Variants in FHIT observed in about 807,000 individuals in gnomAD.
The protein encoded by FHIT is bis(5'-adenosyl)-triphosphatase.
A neutral mutation model predicts 17.9 loss-of-function variants in FHIT; 19 were observed. The ratio of observed to expected loss-of-function variants is 1.06; its 90% CI spans 0.74 to 1.56. FHIT has a LOEUF of 1.56. FHIT is among the 40% of genes most tolerant of loss of function. The pLI is 0.00. For missense variants in FHIT, 248 were observed against 189.2 expected (o/e 1.31, Z -1.82); for synonymous variants, 81 against 69.7 (o/e 1.16, Z -0.81).
At chr3:60,842,640 T>TAC (rs1702772546) in intron 3 of FHIT, among the ~76,000 whole-genome samples, 24 of 43,606 alleles carry the variant, frequency 5.5e-4, no homozygotes, top group Non-Finnish European at 9.9e-4. Context: ...TATATATATA[T>TAC]ATATATTTTT....
rs566230207 is a variant in FHIT at position 60,075,257 on chromosome 3, G to T, written c.104-61105C>A. Among the ~76,000 whole-genome samples, 7 of 152,174 alleles carry T rather than the reference G, an allele frequency of 4.6e-5. No individual in the cohort carries two copies. The East Asian group carries it at 1.4e-3, about 29-fold the overall frequency. ...TCAATCACTCAATTTAAAGTGGGGA[G>T]CTCCTTTAAAATGCTAGGGTGATGG... On this transcript the variant is annotated intron_variant, in intron 5 of 9. Coordinates refer to ENST00000492590, the MANE Select transcript of FHIT (RefSeq NM_002012.4).
intron 5 of FHIT, among the ~76,000 whole-genome samples, chr3:60,482,796 A>C (rs762460687): frequency 6.6e-6 from 1 of 152,070 alleles, no homozygotes; most frequent in Non-Finnish European, 1.5e-5. Context: ...AAAAATCCAA[A>C]AGCCAGCAGA....
At chr3:60,333,626 G>A (rs866329947) in intron 5 of FHIT, among the ~76,000 whole-genome samples, 3 of 152,152 alleles carry the variant, frequency 2.0e-5, no homozygotes, top group South Asian at 4.2e-4. Context: ...TACTTTCCTA[G>A]ATTACATACT....
At chr3:61,062,473 T>C (rs2034461835) in intron 2 of FHIT, among the ~76,000 whole-genome samples, 1 of 152,192 alleles carries the variant, frequency 6.6e-6, no homozygotes, top group Admixed American at 6.5e-5. Context: ...TATACGATCT[T>C]ATATCTCTAG....
At chr3:61,195,709 C>T (rs1013876572) in intron 2 of FHIT, among the ~76,000 whole-genome samples, 2 of 152,146 alleles carry the variant, frequency 1.3e-5, no homozygotes, top group Non-Finnish European at 2.9e-5. Context: ...AGAATGCAGG[C>T]TCTGTGAACA....
rs1045854417 is a variant in FHIT at position 60,072,940 on chromosome 3, C to T, written c.104-58788G>A. On this transcript the variant is annotated intron_variant, in intron 5 of 9. Coordinates refer to ENST00000492590, the MANE Select transcript of FHIT (RefSeq NM_002012.4). ...CACACCCAACTTATCCTGTTATAGG[C>T]TCATGGTCAACAGATGACTGCACTG... is the stretch of plus-strand genomic sequence containing the variant. Among the ~76,000 whole-genome samples the T allele has an allele frequency of 6.0e-4, 92 of 152,178 alleles. 5 individuals carry two copies. Among genetic ancestry groups the T allele is most frequent in the Admixed American group, 6.5e-5 (1 of 15,280 alleles).
chr3:61,195,835 C>T (rs1407882382), intron 2 of FHIT, among the ~76,000 whole-genome samples: 1 of 152,110 alleles, frequency 6.6e-6, no homozygotes, highest in South Asian at 2.1e-4. Context: ...TAATATGACC[C>T]ACCTATGAAA....
intron 8 of FHIT, among the ~76,000 whole-genome samples, chr3:59,768,330 T>C (rs1701903460): frequency 6.6e-6 from 1 of 152,250 alleles, no homozygotes; most frequent in African/African-American, 2.4e-5. Context: ...CTTTACCATT[T>C]TACCTGCATC....
At chr3:61,096,928 T>A (rs867912760) in intron 2 of FHIT, among the ~76,000 whole-genome samples, 1 of 151,982 alleles carries the variant, frequency 6.6e-6, no homozygotes, top group Non-Finnish European at 1.5e-5. Context: ...CTGGCCAACA[T>A]GGTGAAACCC....
At chr3:60,318,270 C>A (rs1017715284) in intron 5 of FHIT, among the ~76,000 whole-genome samples, 16 of 152,048 alleles carry the variant, frequency 1.1e-4, no homozygotes, top group African/African-American at 3.9e-4. Flanking sequence ...TTTCTTTGGA[C>A]ATCAAAAGAA....
chr3:60,485,546 C>T (rs868188744), intron 5 of FHIT, among the ~76,000 whole-genome samples: 3 of 151,608 alleles, frequency 2.0e-5, no homozygotes, highest in Non-Finnish European at 4.4e-5. Flanking sequence ...AGCAAACTAA[C>T]AAAGAACAGA....
intron 2 of FHIT, among the ~76,000 whole-genome samples, chr3:61,082,663 T>C (rs1403767688): frequency 6.6e-6 from 1 of 152,248 alleles, no homozygotes; most frequent in African/African-American, 2.4e-5. Flanking sequence ...CACCACTGTA[T>C]GATAGTTCCA....
intron 5 of FHIT, among the ~76,000 whole-genome samples, chr3:60,435,442 ATT>A (rs11347167): frequency 5.1e-4 from 77 of 151,150 alleles, no homozygotes; most frequent in African/African-American, 1.1e-3. Flanking sequence ...AATAAAAATG[ATT>A]TTTTTTTTTA....
At chr3:59,842,592 T>C (rs1701573449) in intron 8 of FHIT, among the ~76,000 whole-genome samples, 1 of 152,200 alleles carries the variant, frequency 6.6e-6, no homozygotes, top group African/African-American at 2.4e-5. Flanking sequence ...TCTTTTTTGA[T>C]AGCAGCCAAC....
chr3:60,515,455 T>C (rs1019847933), intron 5 of FHIT, among the ~76,000 whole-genome samples: 4 of 146,438 alleles, frequency 2.7e-5, no homozygotes, highest in Non-Finnish European at 6.1e-5. Flanking sequence ...AGAAGATAAA[T>C]GCATTTCAAG....
chr3:60,233,842 C>T (rs1704626183), intron 5 of FHIT, among the ~76,000 whole-genome samples: 1 of 152,080 alleles, frequency 6.6e-6, no homozygotes, highest in African/African-American at 2.4e-5. Flanking sequence ...GTACATGCCC[C>T]CTGTACTTAC....
chr3:60,222,244 T>C (rs923955976), intron 5 of FHIT, among the ~76,000 whole-genome samples: 1 of 151,674 alleles, frequency 6.6e-6, no homozygotes, highest in African/African-American at 2.4e-5. Flanking sequence ...TCATTCATTC[T>C]GAGCCAGGAT....
At chr3:60,817,128 C>G (rs907847762) in intron 4 of FHIT, among the ~76,000 whole-genome samples, 12 of 151,882 alleles carry the variant, frequency 7.9e-5, no homozygotes, top group Admixed American at 1.3e-4. Context: ...ATTGGAAAAC[C>G]TTGCAACTGT....
chr3:61,227,293 T>A (rs986884508), intron 1 of FHIT, among the ~76,000 whole-genome samples: 2 of 152,178 alleles, frequency 1.3e-5, no homozygotes, highest in East Asian at 3.8e-4. Flanking sequence ...TTTAGAAAAT[T>A]AATTTTTAAA....
Sources: allele counts gnomAD v4.1 joint callset (sites outside exome capture counted in the v4.1 genomes callset), GRCh38; gene constraint gnomAD v4.1.1; transcripts MANE v1.5; gene names NCBI Gene and HGNC (gene_info 2026-07-23, HGNC 2026-07-21).